DPYSL5: variants seen among roughly 807,000 people sequenced by gnomAD.
The protein encoded by DPYSL5 is dihydropyrimidinase-related protein 5.
In DPYSL5, 9 loss-of-function variants were observed where a neutral mutation model predicts 58.4. The observed-to-expected ratio is 0.15, with a 90% CI of 0.09 to 0.27. The LOEUF (loss-of-function observed/expected upper bound fraction) is 0.27. DPYSL5 is among the 10% of genes least tolerant of loss of function. The probability of loss-of-function intolerance (pLI) is 1.00; values close to 1 mark genes in which losing one functional copy is unlikely to be tolerated. For synonymous variants in DPYSL5, 293 were observed against 301.9 expected (o/e 0.97, Z 0.31); for missense variants, 499 against 770.6 (o/e 0.65, Z 4.17).
At chr2:26,848,759 T>A (rs965563673) in intron 1 of DPYSL5, among the ~76,000 whole-genome samples, 26 of 152,108 alleles carry the variant, frequency 1.7e-4, no homozygotes, top group Non-Finnish European at 7.4e-5. Flanking sequence ...CTGCCCAGCC[T>A]GGACCCGACC....
At chr2:26,936,287 G>C (rs1665174046) in intron 8 of DPYSL5, among the ~76,000 whole-genome samples, 1 of 152,126 alleles carries the variant, frequency 6.6e-6, no homozygotes, top group Non-Finnish European at 1.5e-5. Context: ...GAAGCGACTG[G>C]CCCCACCGAA....
At chr2:26,866,065 G>A (rs2148113431) in intron 1 of DPYSL5, among the ~76,000 whole-genome samples, 1 of 152,214 alleles carries the variant, frequency 6.6e-6, no homozygotes, top group East Asian at 1.9e-4. Context: ...CCTGTGAACA[G>A]CATAGCCCCT....
Position 26,925,792 on chromosome 2 carries a change from T to TC in DPYSL5, c.420+747_420+748insC, listed in dbSNP as rs1326034722. Among the ~76,000 whole-genome samples the TC allele has an allele frequency of 6.6e-6, 1 of 152,082 alleles. No homozygotes were observed. Among genetic ancestry groups the TC allele is most frequent in the African/African-American group, 2.4e-5 (1 of 41,386 alleles). On this transcript the variant is annotated intron_variant, in intron 3 of 12. Transcript: ENST00000288699. The surrounding 1 kb of genome is among the most constrained non-coding windows in gnomAD (Gnocchi z 4.5). ...TGTTTCTGGGGTTTTTCTGCTTTTT[T>TC]GCCCAGGGTAGCAGTCTGGATATTC...
intron 12 of DPYSL5, 114 bp from the exon 13 acceptor site, chr2:26,946,796 T>G: frequency 2.9e-6 from 2 of 698,136 alleles, no homozygotes; most frequent in East Asian, 2.8e-5. Flanking sequence ...TGGGATGGAG[T>G]GGCTGTGAGG....
intron 2 of DPYSL5, among the ~76,000 whole-genome samples, chr2:26,914,912 G>C (rs1307913234): frequency 6.6e-6 from 1 of 152,106 alleles, no homozygotes; most frequent in South Asian, 2.1e-4. Flanking sequence ...GCCTTGGTAA[G>C]AGGCTTTGCT....
Position 26,933,372 on chromosome 2 carries a change from G to A in DPYSL5, c.790+39G>A, listed in dbSNP as rs943066665. 1.3e-6 allele frequency: 2 copies of A among 1,583,780 alleles called. No individual in the cohort carries two copies. The highest frequency in any genetic ancestry group is 1.7e-5 in the Admixed American group (1 of 59,962). ...CTTGGCTGGACAGAGCAGGTCAAGTGGAGGGACTGGAGATGGATGGGGCCC... is the reference window on the plus strand; with the variant it reads ...CTTGGCTGGACAGAGCAGGTCAAGTAGAGGGACTGGAGATGGATGGGGCCC... On this transcript the variant is annotated intron_variant, in intron 7 of 12. Coordinates refer to ENST00000288699, the MANE Select transcript of DPYSL5 (RefSeq NM_020134.4). The surrounding 1 kb of genome is among the most constrained non-coding windows in gnomAD (Gnocchi z 4.2).
At chr2:26,914,182 A>G (rs1014962513) in intron 2 of DPYSL5, among the ~76,000 whole-genome samples, 5 of 152,210 alleles carry the variant, frequency 3.3e-5, no homozygotes, top group Admixed American at 2.0e-4. Flanking sequence ...TGGTCTCTCA[A>G]AAACTGAGAA....
In DPYSL5 at chr2:26,905,825, A is replaced by G. The variant is rs1235116852; in HGVS notation, c.261+7065A>G. 6.6e-6 allele frequency among the ~76,000 whole-genome samples: 1 copy of G among 152,136 alleles called. No homozygotes were observed. The highest frequency in any genetic ancestry group is 1.5e-5 in the Non-Finnish European group (1 of 68,046). On this transcript the variant is annotated intron_variant, in intron 2 of 12. Transcript: ENST00000288699. This position sits in a 1 kb window ranked among gnomAD's most constrained non-coding sequence, Gnocchi z 4.0. ...TGCCTCAAGTTCAGCAATTTAAAAC[A>G]CCCATTTATTAACTCACAGTTCTGT...
intron 2 of DPYSL5, among the ~76,000 whole-genome samples, chr2:26,921,852 G>C (rs1421644619): frequency 6.6e-6 from 1 of 152,118 alleles, no homozygotes; most frequent in Non-Finnish European, 1.5e-5. Flanking sequence ...GGGGACCCCT[G>C]AGAAGTAAGG....
intron 1 of DPYSL5, among the ~76,000 whole-genome samples, chr2:26,860,940 A>G (rs1200549900): frequency 1.3e-5 from 2 of 152,182 alleles, no homozygotes; most frequent in African/African-American, 2.4e-5. Flanking sequence ...CACAATTTAC[A>G]TGGCTTTAAA....
chr2:26,925,152 C>T lies in DPYSL5; in HGVS notation c.420+107C>T, dbSNP rs1558347599. ...CTTGTGTGGGGCACCCCTCCCACTA[C>T]CATCCTAGCTCCCCACAATGCCAAA... On this transcript the variant is annotated intron_variant, in intron 3 of 12. Coordinates refer to ENST00000288699, the MANE Select transcript of DPYSL5 (RefSeq NM_020134.4). This position sits in a 1 kb window ranked among gnomAD's most constrained non-coding sequence, Gnocchi z 4.5. The T allele has an allele frequency of 1.4e-5, 19 of 1,382,872 alleles. No homozygotes were observed. The highest frequency in any genetic ancestry group is 4.1e-5 in the South Asian group (3 of 73,230). The allele number at this position is 1,382,872 out of a possible 1,614,324, so 85.7% of individuals were successfully genotyped here.
chr2:26,862,307 A>G (rs1416718780), intron 1 of DPYSL5, among the ~76,000 whole-genome samples: 2 of 152,246 alleles, frequency 1.3e-5, no homozygotes, highest in African/African-American at 2.4e-5. Flanking sequence ...TTATCAATGA[A>G]TATGTTGAGC....
At chr2:26,868,063 C>G (rs1444765995) in intron 1 of DPYSL5, among the ~76,000 whole-genome samples, 1 of 152,168 alleles carries the variant, frequency 6.6e-6, no homozygotes, top group East Asian at 1.9e-4. Flanking sequence ...TAAAGTGATA[C>G]CTCATTGTTA....
At chr2:26,938,926 GT>G (rs1665249936) in intron 8 of DPYSL5, 1 of 152,082 alleles carries the variant, frequency 6.6e-6, no homozygotes, top group Admixed American at 6.6e-5. Context: ...CCTGGTTTGC[GT>G]GGGCATTCTC....
chr2:26,919,997 G>A (rs547646170), intron 2 of DPYSL5, among the ~76,000 whole-genome samples: 2 of 152,212 alleles, frequency 1.3e-5, no homozygotes, highest in East Asian at 3.9e-4. Flanking sequence ...AATATAGACA[G>A]TATGATAGAT....
At chr2:26,854,903 C>A (rs1287304131) in intron 1 of DPYSL5, among the ~76,000 whole-genome samples, 2 of 152,008 alleles carry the variant, frequency 1.3e-5, no homozygotes, top group African/African-American at 4.8e-5. Flanking sequence ...ACTGCAACCT[C>A]TGCCTCCCGG....
intron 9 of DPYSL5, among the ~76,000 whole-genome samples, chr2:26,940,690 AT>A (rs1001187331): frequency 2.6e-5 from 4 of 151,644 alleles, no homozygotes; most frequent in East Asian, 3.9e-4. Flanking sequence ...ACTAACCAGG[AT>A]TTTTTTTCTT....
chr2:26,879,251 G>A (rs1223616207), intron 1 of DPYSL5, among the ~76,000 whole-genome samples: 3 of 152,142 alleles, frequency 2.0e-5, no homozygotes, highest in Non-Finnish European at 2.9e-5. Context: ...AGAGGACAGA[G>A]GAGAAATTGA....
At position 26,947,173 on chromosome 2, in the gene DPYSL5, C is replaced by CT; in HGVS notation, c.*179dup. 1 of 580,772 alleles carries CT rather than the reference C, an allele frequency of 1.7e-6. No individual in the cohort carries two copies. The highest frequency in any genetic ancestry group is 2.1e-5 in the South Asian group (1 of 48,628). 36.0% of individuals were successfully genotyped at this position (580,772 alleles called of 1,614,324 possible). Reference sequence around the variant, plus strand: ...TGATTCACTGTGCTTCGAGCCAACTCTAACAGGCACTTTGAGATGTGTTCC... The same window carrying CT: ...TGATTCACTGTGCTTCGAGCCAACTCTTAACAGGCACTTTGAGATGTGTTCC... On this transcript the variant is annotated 3_prime_UTR_variant, in exon 13 of 13. Transcript: ENST00000288699. This position sits in a 1 kb window ranked among gnomAD's most constrained non-coding sequence, Gnocchi z 4.2.
Sources: gnomAD v4.1 joint callset for allele counts (sites outside exome capture counted in the v4.1 genomes callset) on GRCh38, gnomAD v4.1.1 for gene constraint, Gnocchi (gnomAD v3.1) non-coding constraint, MANE v1.5 for transcripts, NCBI Gene and HGNC (gene_info 2026-07-23, HGNC 2026-07-21) for gene names.